TIPRL: variants seen among roughly 807,000 people sequenced by gnomAD.
The protein encoded by TIPRL is TIP41-like protein.
A neutral mutation model predicts 32.3 loss-of-function variants in TIPRL; 10 were observed. The ratio of observed to expected loss-of-function variants is 0.31; its 90% CI spans 0.19 to 0.52. TIPRL has a LOEUF of 0.52. Ranked by LOEUF, TIPRL falls within the 20% of genes least tolerant of loss-of-function variation. TIPRL has a pLI of 0.96. For missense variants in TIPRL, 250 were observed against 328.1 expected, an observed-to-expected ratio of 0.76 and a Z score of 1.84; for synonymous variants, 100 against 114.0, an observed-to-expected ratio of 0.88 and a Z score of 0.78.
At chr1:168,199,571 A>G (rs531025696) in intron 6 of TIPRL, among the ~76,000 whole-genome samples, 5 of 152,248 alleles carry the variant, frequency 3.3e-5, no homozygotes, top group South Asian at 2.1e-4. Flanking sequence ...CTTAGATTCT[A>G]TTGTAGACTA....
intron 3 of TIPRL, among the ~76,000 whole-genome samples, chr1:168,187,521 C>T (rs369143306): frequency 1.1e-4 from 17 of 152,232 alleles, no homozygotes; most frequent in African/African-American, 3.9e-4. Context: ...TGATTACCCA[C>T]TCACTGGTGG....
At chr1:168,189,075 C>T (rs1700062646) in intron 3 of TIPRL, among the ~76,000 whole-genome samples, 4 of 152,134 alleles carry the variant, frequency 2.6e-5, no homozygotes, top group South Asian at 4.1e-4. Flanking sequence ...GGTCCTTGTC[C>T]TTAGTGAGCA....
chr1:168,191,424 TTAAG>T lies in TIPRL; in HGVS notation c.442_445del (p.Lys148PhefsTer20). ...GAAAAATTGAAAGCCAGAGAACAGA[TTAAG>T]TTTTTTGAAGAAGTTCTCCTTTTTG... On this transcript the variant is annotated frameshift_variant, in exon 4 of 7. Transcript: ENST00000367833. LOFTEE classifies it high-confidence loss of function. 6.5e-7 allele frequency: 1 copy of T among 1,532,252 alleles called. No homozygotes were observed. The highest frequency in any genetic ancestry group is 8.7e-7 in the Non-Finnish European group (1 of 1,150,138). 94.9% of individuals were successfully genotyped at this position (1,532,252 alleles called of 1,614,324 possible).
intron 6 of TIPRL, among the ~76,000 whole-genome samples, chr1:168,199,508 T>G (rs983265760): frequency 6.6e-6 from 1 of 152,172 alleles, no homozygotes; most frequent in African/African-American, 2.4e-5. Context: ...TTTTCACGCT[T>G]AGTATGTACT....
At position 168,183,372 on chromosome 1, in the gene TIPRL, C is replaced by A. The variant is rs542374254; in HGVS notation, c.105-530C>A. Among the ~76,000 whole-genome samples the A allele has an allele frequency of 8.2e-4, 85 of 103,356 alleles. 1 individual carries two copies. Among genetic ancestry groups the A allele is most frequent in the African/African-American group, 4.3e-3 (83 of 19,128 alleles). 67.8% of individuals were successfully genotyped at this position (103,356 alleles called of 152,430 possible). Reference sequence around the variant, plus strand: ...TAAGTGTGTAAATTATGTTAAATTCCTGTGATTTTTTTTTTTTTTTGCTTG... The same window carrying A: ...TAAGTGTGTAAATTATGTTAAATTCATGTGATTTTTTTTTTTTTTTGCTTG... On this transcript the variant is annotated intron_variant, in intron 1 of 6. Coordinates refer to ENST00000367833, the MANE Select transcript of TIPRL (RefSeq NM_152902.5).
intron 3 of TIPRL, among the ~76,000 whole-genome samples, 155 bp from the exon 4 acceptor site, chr1:168,191,214 T>G (rs536839105): frequency 2.2e-4 from 34 of 152,356 alleles, no homozygotes; most frequent in Middle Eastern, 6.8e-3. Flanking sequence ...ATTCTGATCT[T>G]TTATATCTAC....
intron 3 of TIPRL, among the ~76,000 whole-genome samples, chr1:168,189,627 A>G (rs1377454935): frequency 6.6e-6 from 1 of 152,096 alleles, no homozygotes; most frequent in Non-Finnish European, 1.5e-5. Flanking sequence ...TTATAGGCAT[A>G]AGCCACCGCG....
chr1:168,181,102 A>T (rs1157483215), intron 1 of TIPRL, among the ~76,000 whole-genome samples: 2 of 148,690 alleles, frequency 1.3e-5, no homozygotes, highest in East Asian at 3.9e-4. Context: ...CCTGCCTTAG[A>T]CTCCCTGGTA....
chr1:168,186,423 G>A (rs1409695842), intron 3 of TIPRL, among the ~76,000 whole-genome samples: 2 of 152,064 alleles, frequency 1.3e-5, no homozygotes, highest in Admixed American at 1.3e-4. Context: ...TTGAACCCAG[G>A]AGGTAGAGGT....
intron 2 of TIPRL, 75 bp from the exon 3 acceptor site, chr1:168,184,704 T>A: frequency 1.2e-6 from 1 of 869,312 alleles, no homozygotes; most frequent in Non-Finnish European, 1.8e-6. Context: ...AGAATATAAT[T>A]TGATGTGATA....
At chr1:168,184,321 G>A (rs1055983215) in intron 2 of TIPRL, among the ~76,000 whole-genome samples, 8 of 152,088 alleles carry the variant, frequency 5.3e-5, no homozygotes, top group African/African-American at 1.2e-4. Context: ...AGCTATGTAC[G>A]TTTTCGATTT....
At chr1:168,186,188 A>C (rs1454303171) in intron 3 of TIPRL, among the ~76,000 whole-genome samples, 1 of 151,544 alleles carries the variant, frequency 6.6e-6, no homozygotes, top group African/African-American at 2.4e-5. Context: ...GAAATCTTAT[A>C]GTATGACTGA....
At chr1:168,196,525 G>C in intron 4 of TIPRL, 22 bp from the exon 5 acceptor site, 1 of 1,368,226 alleles carries the variant, frequency 7.3e-7, no homozygotes, top group South Asian at 1.4e-5. Context: ...AAATATTAAT[G>C]TACCTTTTTT....
Position 168,200,429 on chromosome 1 carries a change from A to G in TIPRL, c.*383A>G. 1 of 161,848 alleles carries G rather than the reference A, an allele frequency of 6.2e-6. No individual in the cohort carries two copies. Among genetic ancestry groups the G allele is most frequent in the Non-Finnish European group, 1.3e-5 (1 of 74,074 alleles). The allele number at this position is 161,848 out of a possible 1,614,324, so 10.0% of individuals were successfully genotyped here. A position where few individuals can be genotyped will look rare whatever the true frequency, so the allele number is the denominator to read the frequency against. On this transcript the variant is annotated 3_prime_UTR_variant, in exon 7 of 7. Transcript: ENST00000367833. ...AATCCCAATGCCTTGTGACTTTCAT[A>G]GGATTCCTGATCATGCATGTTGATG...
At chr1:168,191,551 C>A in intron 4 of TIPRL, 51 bp downstream of exon 4, 1 of 1,366,476 alleles carries the variant, frequency 7.3e-7, no homozygotes, top group Non-Finnish European at 9.5e-7. Context: ...TTCTTAACAT[C>A]AGACAAAAAT....
intron 4 of TIPRL, among the ~76,000 whole-genome samples, chr1:168,196,338 G>A (rs1023943170): frequency 5.3e-5 from 8 of 152,090 alleles, no homozygotes; most frequent in Admixed American, 1.3e-4. Context: ...TTAGGAAACC[G>A]AAACTATGAT....
rs773468332 is a variant in TIPRL at position 168,198,912 on chromosome 1, A to C, written c.613-7A>C. ...AATTTATTGCAACTGTTTATTTTTA[A>C]ATACAGGCTGACAAGACCTACATGT... On this transcript the variant is annotated splice_region_variant and splice_polypyrimidine_tract_variant and intron_variant, in intron 5 of 6. Transcript: ENST00000367833. 3 of 1,606,896 alleles carry C rather than the reference A, an allele frequency of 1.9e-6. No individual in the cohort carries two copies. Among genetic ancestry groups the C allele is most frequent in the Admixed American group, 1.7e-5 (1 of 58,552 alleles).
intron 4 of TIPRL, among the ~76,000 whole-genome samples, chr1:168,193,541 A>C (rs1558165321): frequency 1.3e-5 from 2 of 152,134 alleles, no homozygotes; most frequent in Non-Finnish European, 2.9e-5. Flanking sequence ...GACTATGCTA[A>C]ATGTTCATTA....
intron 6 of TIPRL, among the ~76,000 whole-genome samples, 154 bp from the exon 7 acceptor site, chr1:168,199,749 G>A (rs1344177039): frequency 2.0e-5 from 3 of 152,200 alleles, no homozygotes; most frequent in South Asian, 4.1e-4. Context: ...GAATGATTCC[G>A]TATCAAGAAA....
Sources: allele counts gnomAD v4.1 joint callset (sites outside exome capture counted in the v4.1 genomes callset), GRCh38; gene constraint gnomAD v4.1.1; transcripts MANE v1.5; gene names NCBI Gene and HGNC (gene_info 2026-07-23, HGNC 2026-07-21).